Variants in NELL2 observed in about 807,000 individuals in gnomAD.
NELL2 encodes neural EGFL like 2.
Under a neutral mutation model 109.6 loss-of-function variants are expected in NELL2, and 41 were observed. The observed-to-expected ratio is 0.37, with a 90% CI of 0.29 to 0.49. The LOEUF is 0.49. Among genes scored for constraint, NELL2 ranks in the 20% least tolerant of loss-of-function variants. The pLI, the probability that NELL2 is intolerant of heterozygous loss-of-function variation, is 0.98. For synonymous variants in NELL2, 355 were observed against 344.7 expected (o/e 1.03, Z -0.33); for missense variants, 900 against 1,008.3 (o/e 0.89, Z 1.45).
At chr12:44,657,587 G>A (rs890853741) in intron 13 of NELL2, among the ~76,000 whole-genome samples, 16 of 152,158 alleles carry the variant, frequency 1.1e-4, no homozygotes, top group African/African-American at 2.2e-4. Context: ...CCATCAACCC[G>A]TCATCTACAT....
At chr12:44,594,821 A>C (rs753026693) in intron 15 of NELL2, among the ~76,000 whole-genome samples, 29 of 152,216 alleles carry the variant, frequency 1.9e-4, no homozygotes, top group Admixed American at 3.3e-4. Context: ...TATTGCACTT[A>C]TACTTACATA....
intron 15 of NELL2, among the ~76,000 whole-genome samples, chr12:44,543,003 T>C (rs1942647407): frequency 6.6e-6 from 1 of 152,162 alleles, no homozygotes; most frequent in African/African-American, 2.4e-5. Flanking sequence ...TGTGAGATAA[T>C]AAATTCCTGT....
At chr12:44,511,277 A>T (rs1292019261) in intron 19 of NELL2, among the ~76,000 whole-genome samples, 2 of 152,220 alleles carry the variant, frequency 1.3e-5, no homozygotes, top group Non-Finnish European at 2.9e-5. Context: ...CTGATAGCAT[A>T]GTTTCTTATA....
chr12:44,841,429 G>T (rs1483922424), intron 2 of NELL2, among the ~76,000 whole-genome samples: 1 of 152,194 alleles, frequency 6.6e-6, no homozygotes, highest in Non-Finnish European at 1.5e-5. Flanking sequence ...ATGGCTATCA[G>T]ACTTACCTTC....
intron 15 of NELL2, among the ~76,000 whole-genome samples, chr12:44,599,973 T>G (rs965088173): frequency 1.4e-5 from 2 of 146,968 alleles, no homozygotes; most frequent in African/African-American, 5.0e-5. Flanking sequence ...TTTTTTTTTT[T>G]TTTTTTGAGA....
chr12:44,508,306 T>C lies in NELL2; in HGVS notation c.*628A>G, dbSNP rs1940821210. 6.6e-6 allele frequency: 1 copy of C among 152,618 alleles called. No individual in the cohort carries two copies. The highest frequency in any genetic ancestry group is 1.5e-5 in the Non-Finnish European group (1 of 68,032). The allele number at this position is 152,618 out of a possible 1,614,324, so 9.5% of individuals were successfully genotyped here. A position where few individuals can be genotyped will look rare whatever the true frequency, so the allele number is the denominator to read the frequency against. On this transcript the variant is annotated 3_prime_UTR_variant, in exon 20 of 20. Transcript: ENST00000429094. ...TAAGGTAAGAGAAATATTTATTTAA[T>C]TTTGCACAAGAACGAGCTTATACTG...
intron 3 of NELL2, among the ~76,000 whole-genome samples, chr12:44,790,960 T>G (rs975164039): frequency 7.5e-5 from 11 of 147,340 alleles, no homozygotes; most frequent in African/African-American, 2.8e-4. Context: ...AAAAGGAAAA[T>G]ATCACAATCC....
intron 2 of NELL2, among the ~76,000 whole-genome samples, chr12:44,847,514 G>T (rs890285311): frequency 6.7e-6 from 1 of 150,128 alleles, no homozygotes; most frequent in East Asian, 2.0e-4. Flanking sequence ...ACCTTAGCTA[G>T]CCTAAGCAGT....
intron 9 of NELL2, among the ~76,000 whole-genome samples, chr12:44,722,730 T>C (rs1172174040): frequency 6.6e-6 from 1 of 152,060 alleles, no homozygotes; most frequent in African/African-American, 2.4e-5. Context: ...AGAGTAATAA[T>C]CACAATAATA....
At chr12:44,881,305 C>T (rs889984220), upstream of NELL2, among the ~76,000 whole-genome samples, 4 of 151,704 alleles carry the variant, frequency 2.6e-5, no homozygotes, top group Non-Finnish European at 5.9e-5. Context: ...GCCAAGATGA[C>T]ACAGATGTTG....
chr12:44,832,312 A>G (rs555432564), intron 2 of NELL2, among the ~76,000 whole-genome samples: 1 of 152,312 alleles, frequency 6.6e-6, no homozygotes, highest in Admixed American at 6.5e-5. Context: ...ACAATGTGAT[A>G]AGAGGCTTAG....
intron 15 of NELL2, among the ~76,000 whole-genome samples, chr12:44,548,091 C>G (rs915871184): frequency 6.6e-6 from 1 of 152,122 alleles, no homozygotes; most frequent in Admixed American, 6.5e-5. Context: ...ACTTCTAGAA[C>G]ACAGCCTGGT....
chr12:44,807,997 A>G (rs967936122), intron 3 of NELL2, among the ~76,000 whole-genome samples: 2 of 152,084 alleles, frequency 1.3e-5, no homozygotes, highest in Non-Finnish European at 2.9e-5. Flanking sequence ...TAAGATATTT[A>G]GGGCCTGATA....
At chr12:44,705,954 C>T (rs772388837) in intron 11 of NELL2, among the ~76,000 whole-genome samples, 5 of 152,132 alleles carry the variant, frequency 3.3e-5, no homozygotes, top group African/African-American at 4.8e-5. Context: ...TTGGACTCTG[C>T]CCAATATTAT....
intron 1 of NELL2, among the ~76,000 whole-genome samples, chr12:44,886,195 C>G (rs1407289184): frequency 6.6e-6 from 1 of 151,434 alleles, no homozygotes; most frequent in African/African-American, 2.4e-5. Flanking sequence ...CAATAATTAA[C>G]CTAAAGTGGA....
chr12:44,656,435 T>C (rs1947502084), intron 13 of NELL2, among the ~76,000 whole-genome samples: 1 of 152,148 alleles, frequency 6.6e-6, no homozygotes, highest in African/African-American at 2.4e-5. Flanking sequence ...CAGTTTAAAA[T>C]TAACCAGAGA....
At chr12:44,655,519 CAT>C (rs1947469503) in intron 13 of NELL2, among the ~76,000 whole-genome samples, 1 of 152,204 alleles carries the variant, frequency 6.6e-6, no homozygotes. Context: ...TATGCATGCA[CAT>C]ATGTGTTTCA....
chr12:44,831,630 G>A (rs1307795354), intron 2 of NELL2, among the ~76,000 whole-genome samples: 1 of 152,146 alleles, frequency 6.6e-6, no homozygotes, highest in Non-Finnish European at 1.5e-5. Flanking sequence ...AAAGTGAACA[G>A]GTGATGTAAA....
Position 44,508,992 on chromosome 12 carries a change from T to C in NELL2, c.2401-8A>G. ...GCAACAGATGTGGCCATTCTAGATT[T>C]AAAAAAAGTAGAAAGAAAAACAGTA... On this transcript the variant is annotated splice_polypyrimidine_tract_variant and splice_region_variant and intron_variant, in intron 19 of 19. Coordinates refer to ENST00000429094, the MANE Select transcript of NELL2 (RefSeq NM_001145108.2). The C allele has an allele frequency of 6.2e-7, 1 of 1,610,402 alleles. No homozygotes were observed. The highest frequency in any genetic ancestry group is 8.5e-7 in the Non-Finnish European group (1 of 1,177,616).
Sources: allele counts gnomAD v4.1 joint callset (sites outside exome capture counted in the v4.1 genomes callset), GRCh38; gene constraint gnomAD v4.1.1; transcripts MANE v1.5; gene names NCBI Gene and HGNC (gene_info 2026-07-23, HGNC 2026-07-21).